The following ARID4A variants were observed in gnomAD, a reference collection of about 807,000 sequenced individuals.
ARID4A encodes the protein AT-rich interaction domain 4A.
ARID4A carries 39 observed loss-of-function variants against 148.6 expected under a neutral mutation model. That is an observed-to-expected ratio of 0.26 (90% CI 0.20 to 0.34). The LOEUF is 0.34. Among genes scored for constraint, ARID4A ranks in the 10% least tolerant of loss-of-function variants. ARID4A has a pLI of 1.00. For synonymous variants in ARID4A, 475 were observed against 481.2 expected, an observed-to-expected ratio of 0.99 and a Z score of 0.17; for missense variants, 1,265 against 1,449.1, an observed-to-expected ratio of 0.87 and a Z score of 2.06.
intron 23 of ARID4A, among the ~76,000 whole-genome samples, chr14:58,368,928 C>T (rs190730065): frequency 0.012 from 1,898 of 152,146 alleles, 24 homozygotes; most frequent in Non-Finnish European, 0.021. Flanking sequence ...TAGGGATGTT[C>T]AATTTGTATC....
In ARID4A at chr14:58,318,574, C is replaced by T. The variant is rs1385701899; in HGVS notation, c.307C>T (p.Arg103Cys). ...TGATGGTGATGAGCGAACATTGAGACGTACCTCACTTTGTCTGAAAGGAGA... is the reference window on the plus strand; with the variant it reads ...TGATGGTGATGAGCGAACATTGAGATGTACCTCACTTTGTCTGAAAGGAGA... ...FDDGDERTLR[R>C]TSLCLKGERH... Residue 103 changes from arginine (R) to cysteine (C), a missense_variant, in exon 6 of 24, where the codon CGT (arginine) becomes TGT (cysteine). This residue lies in a region of ARID4A where 21 missense variants were observed against 36.5 expected (regional missense o/e 0.58). Coordinates refer to ENST00000355431, the MANE Select transcript of ARID4A (RefSeq NM_002892.4). 2 of 1,614,158 alleles carry T rather than the reference C, an allele frequency of 1.2e-6. No homozygotes were observed. The highest frequency in any genetic ancestry group is 1.3e-5 in the African/African-American group (1 of 75,042).
At chr14:58,322,507 A>C (rs1206330687) in intron 7 of ARID4A, among the ~76,000 whole-genome samples, 1 of 152,166 alleles carries the variant, frequency 6.6e-6, no homozygotes, top group Non-Finnish European at 1.5e-5. Context: ...CAATAAAGAA[A>C]ACTGTGGAGT....
chr14:58,299,185 T>C (rs61974485), intron 1 of ARID4A: 107,505 of 151,184 alleles, frequency 0.71, 38,578 homozygotes, highest in Middle Eastern at 0.87. Context: ...CCTCCCCTCC[T>C]CCTCCCCTCC....
At chr14:58,323,378 T>A (rs1189298518) in intron 7 of ARID4A, 107 bp from the exon 8 acceptor site, 2 of 1,259,494 alleles carry the variant, frequency 1.6e-6, no homozygotes, top group Non-Finnish European at 2.2e-6. Flanking sequence ...GGCTACTACT[T>A]TAGGGTGTAG....
chr14:58,299,039 C>A (rs1442796305), intron 1 of ARID4A, among the ~76,000 whole-genome samples: 1 of 152,198 alleles, frequency 6.6e-6, no homozygotes, highest in African/African-American at 2.4e-5. Context: ...TCCACCTCTG[C>A]GGAGTCCGTG....
chr14:58,348,120 A>G (rs2034460752), intron 15 of ARID4A, among the ~76,000 whole-genome samples: 1 of 152,128 alleles, frequency 6.6e-6, no homozygotes. Context: ...AATCCCAGAT[A>G]TTCCTTTTCC....
chr14:58,347,552 A>T, intron 14 of ARID4A, 95 bp from the exon 15 acceptor site: 1 of 989,460 alleles, frequency 1.0e-6, no homozygotes. Flanking sequence ...TTTTTAAATT[A>T]CTGGGCTTTA....
At chr14:58,337,269 A>ATATATATATATATATATATATATATATAT (rs1555361753) in intron 11 of ARID4A, among the ~76,000 whole-genome samples, 9 of 51,144 alleles carry the variant, frequency 1.8e-4, no homozygotes, top group Non-Finnish European at 3.0e-4. Flanking sequence ...TATATATATA[A>ATATATATATATATATATATATATATATAT]TTAAAACCGA....
chr14:58,322,659 A>T (rs1446658852), intron 7 of ARID4A, among the ~76,000 whole-genome samples: 1 of 152,158 alleles, frequency 6.6e-6, no homozygotes, highest in East Asian at 1.9e-4. Flanking sequence ...ATATTGCAGG[A>T]TGTCTTAAAA....
intron 10 of ARID4A, among the ~76,000 whole-genome samples, 180 bp from the exon 11 acceptor site, chr14:58,329,823 A>G (rs746193067): frequency 2.0e-5 from 3 of 152,218 alleles, no homozygotes; most frequent in Non-Finnish European, 2.9e-5. Context: ...AGTATTCCGT[A>G]AAGTAATAAC....
rs553838814 is a variant in ARID4A at position 58,299,360 on chromosome 14, C to T, written c.-57-438C>T. ...CCGTGACACTCCGCTGCCGCCACCG[C>T]GGGCCCGGGGCGGGCCGAGGGGGCC... On this transcript the variant is annotated intron_variant, in intron 1 of 23. Transcript: ENST00000355431. 1.3e-3 allele frequency: 199 copies of T among 156,110 alleles called. 4 individuals are homozygous for T. The highest frequency in any genetic ancestry group is 5.2e-4 in the Admixed American group (8 of 15,330). 9.7% of individuals were successfully genotyped at this position (156,110 alleles called of 1,614,324 possible). A position where few individuals can be genotyped will look rare whatever the true frequency, so the allele number is the denominator to read the frequency against.
intron 5 of ARID4A, among the ~76,000 whole-genome samples, chr14:58,312,053 A>C (rs560892307): frequency 6.6e-6 from 1 of 152,270 alleles, no homozygotes; most frequent in Non-Finnish European, 1.5e-5. Context: ...AATGTATTGC[A>C]TACTTGAAAA....
chr14:58,334,694 T>C (rs2033711302), intron 11 of ARID4A, among the ~76,000 whole-genome samples: 1 of 152,160 alleles, frequency 6.6e-6, no homozygotes, highest in South Asian at 2.1e-4. Context: ...CAATTGATAG[T>C]GTTTTGTCCT....
At chr14:58,346,722 A>AT (rs2034381349) in intron 13 of ARID4A, among the ~76,000 whole-genome samples, 1 of 151,604 alleles carries the variant, frequency 6.6e-6, no homozygotes. Context: ...AAGCTCAGGA[A>AT]TTCAAGACTA....
chr14:58,328,088 T>C, intron 8 of ARID4A, 149 bp from the exon 9 acceptor site: 2 of 625,250 alleles, frequency 3.2e-6, no homozygotes, highest in Non-Finnish European at 5.6e-6. Flanking sequence ...ATGCAATTCA[T>C]TAATAATAGG....
intron 5 of ARID4A, among the ~76,000 whole-genome samples, chr14:58,307,046 T>C (rs2031661186): frequency 6.6e-6 from 1 of 152,254 alleles, no homozygotes; most frequent in Non-Finnish European, 1.5e-5. Context: ...CTTAAAGTAG[T>C]ACTTAAATAG....
intron 22 of ARID4A, among the ~76,000 whole-genome samples, chr14:58,366,679 T>C (rs2035372736): frequency 6.6e-6 from 1 of 152,186 alleles, no homozygotes; most frequent in Non-Finnish European, 1.5e-5. Flanking sequence ...ATGTTTAGTA[T>C]AGAAAATTTG....
chr14:58,318,819 T>A lies in ARID4A; in HGVS notation c.449+14T>A. On this transcript the variant is annotated intron_variant, in intron 7 of 23. Transcript: ENST00000355431. ...TTCTCTTCCTGTGTGAGTTTTTTCA[T>A]ATATGGTATCATTTTAATTACAATT... 2 of 1,585,176 alleles carry A rather than the reference T, an allele frequency of 1.3e-6. No homozygotes were observed. Among genetic ancestry groups the A allele is most frequent in the Non-Finnish European group, 1.7e-6 (2 of 1,154,936 alleles).
rs1300213651 is a variant in ARID4A at position 58,342,310 on chromosome 14, T to G, written c.907-2385T>G. Among the ~76,000 whole-genome samples the G allele has an allele frequency of 1.3e-5, 2 of 152,218 alleles. 1 individual carries two copies. Among genetic ancestry groups the G allele is most frequent in the African/African-American group, 4.8e-5 (2 of 41,464 alleles). On this transcript the variant is annotated intron_variant, in intron 11 of 23. Transcript: ENST00000355431. ...GGCATTTGTTTGTAAGTAGAATTCT[T>G]TATTCATTTATATCTTGTTTAACTG... is the stretch of plus-strand genomic sequence containing the variant.
Sources: allele counts gnomAD v4.1 joint callset (sites outside exome capture counted in the v4.1 genomes callset), GRCh38; gene constraint gnomAD v4.1.1; regional missense constraint gnomAD v4.1.1; transcripts MANE v1.5; gene names NCBI Gene and HGNC (gene_info 2026-07-23, HGNC 2026-07-21).